Variants in SSH1 observed in about 807,000 individuals in gnomAD.
SSH1 encodes the protein protein phosphatase Slingshot homolog 1.
In SSH1, 43 loss-of-function variants were observed where a neutral mutation model predicts 79.7. The observed-to-expected ratio is 0.54, with a 90% CI of 0.42 to 0.70. The LOEUF (loss-of-function observed/expected upper bound fraction) is 0.70. SSH1 is among the 30% of genes least tolerant of loss of function. The probability of loss-of-function intolerance (pLI) is 0.00; values close to 1 mark genes in which losing one functional copy is unlikely to be tolerated. For synonymous variants in SSH1, 599 were observed against 538.3 expected, an observed-to-expected ratio of 1.11 and a Z score of -1.56; for missense variants, 1,206 against 1,358.8, an observed-to-expected ratio of 0.89 and a Z score of 1.77.
At chr12:108,800,629 T>C (rs1593029695) in intron 12 of SSH1, 151 bp downstream of exon 12, 1 of 868,034 alleles carries the variant, frequency 1.2e-6, no homozygotes, top group East Asian at 2.5e-5. Context: ...CCACATCAAG[T>C]CCACTCCCAC....
At position 108,800,936 on chromosome 12, in the gene SSH1, GA is replaced by G. The variant is rs761492740; in HGVS notation, c.1002-11del. 1.2e-6 allele frequency: 2 copies of G among 1,609,172 alleles called. No individual in the cohort carries two copies. Among genetic ancestry groups the G allele is most frequent in the Non-Finnish European group, 1.7e-6 (2 of 1,177,820 alleles). On this transcript the variant is annotated splice_polypyrimidine_tract_variant and intron_variant, in intron 11 of 14. Coordinates refer to ENST00000326495, the MANE Select transcript of SSH1 (RefSeq NM_018984.4). Reference sequence around the variant, plus strand: ...TAAAATGTAATCAACCCTGCAATGAGAAAAAAATAAGAAACAAATTTGGACA... The same window carrying G: ...TAAAATGTAATCAACCCTGCAATGAGAAAAAATAAGAAACAAATTTGGACA...
chr12:108,812,343 G>A (rs1356049708), intron 5 of SSH1, among the ~76,000 whole-genome samples: 1 of 152,248 alleles, frequency 6.6e-6, no homozygotes, highest in East Asian at 1.9e-4. Flanking sequence ...GCAAGGAAAG[G>A]GTCCCTATGG....
intron 10 of SSH1, among the ~76,000 whole-genome samples, chr12:108,802,715 C>T (rs1263995274): frequency 1.3e-5 from 2 of 152,096 alleles, no homozygotes; most frequent in Non-Finnish European, 1.5e-5. Context: ...CAATGACCTG[C>T]GACCTCCCAC....
chr12:108,840,991 T>C (rs2038763957), intron 2 of SSH1, among the ~76,000 whole-genome samples: 1 of 152,226 alleles, frequency 6.6e-6, no homozygotes. Context: ...CAGCAAATGA[T>C]GAGCAGCACA....
chr12:108,844,499 C>G (rs1232991785), intron 2 of SSH1, among the ~76,000 whole-genome samples: 2 of 152,192 alleles, frequency 1.3e-5, no homozygotes, highest in African/African-American at 4.8e-5. Flanking sequence ...AAACTAGGCA[C>G]ATCTGTAACG....
intron 2 of SSH1, among the ~76,000 whole-genome samples, chr12:108,832,075 TC>T (rs1229493307): frequency 6.6e-6 from 1 of 152,158 alleles, no homozygotes; most frequent in African/African-American, 2.4e-5. Flanking sequence ...ATTTTTACAA[TC>T]CCATTCCCCT....
At position 108,792,321 on chromosome 12, in the gene SSH1, T is replaced by C; in HGVS notation, c.1858A>G (p.Asn620Asp). The C allele has an allele frequency of 6.2e-7, 1 of 1,614,190 alleles. No homozygotes were observed. Among genetic ancestry groups the C allele is most frequent in the Non-Finnish European group, 8.5e-7 (1 of 1,180,012 alleles). Residue 620 changes from asparagine (N) to aspartate (D), a missense_variant, in exon 14 of 15, where the codon AAC becomes GAC. By Grantham distance (23) the Asn-to-Asp change is conservative. Coordinates refer to ENST00000326495, the MANE Select transcript of SSH1 (RefSeq NM_018984.4). ...QNLLNSENLN[N>D]NSKRSCPNGM... ...TTGGGACAGCTCCTCTTGCTGTTGT[T>C]GTTTAGGTTCTCCGAGTTGAGCAGG...
At chr12:108,811,228 A>G (rs1345371607) in intron 6 of SSH1, 32 bp downstream of exon 6, 1 of 1,605,542 alleles carries the variant, frequency 6.2e-7, no homozygotes, top group Admixed American at 1.7e-5. Flanking sequence ...TACTACATAC[A>G]GTGAGAGAAT....
chr12:108,809,850 G>A (rs920919419), intron 6 of SSH1, 92 bp from the exon 7 acceptor site: 42 of 1,065,982 alleles, frequency 3.9e-5, no homozygotes, highest in Admixed American at 1.0e-4. Flanking sequence ...AAACCACTGC[G>A]CACGCTGGGA....
intron 2 of SSH1, among the ~76,000 whole-genome samples, chr12:108,832,847 C>T (rs539650107): frequency 1.3e-5 from 2 of 152,232 alleles, no homozygotes; most frequent in South Asian, 2.1e-4. Context: ...ACCTGTCAAC[C>T]GGAGCTCCCA....
intron 2 of SSH1, among the ~76,000 whole-genome samples, chr12:108,828,297 T>G (rs2038381775): frequency 6.6e-6 from 1 of 152,178 alleles, no homozygotes; most frequent in African/African-American, 2.4e-5. Context: ...ATTACCATGA[T>G]TCTGGTTTTG....
chr12:108,804,469 G>C (rs987021200), intron 10 of SSH1, among the ~76,000 whole-genome samples: 1 of 152,180 alleles, frequency 6.6e-6, no homozygotes, highest in Non-Finnish European at 1.5e-5. Context: ...AAAACAATCT[G>C]AGCTAGCCGT....
At chr12:108,792,089 C>T (rs1488381928) in intron 14 of SSH1, 197 bp downstream of exon 14, 1 of 1,464,900 alleles carries the variant, frequency 6.8e-7, no homozygotes, top group African/African-American at 1.4e-5. Flanking sequence ...ACTACGTACC[C>T]ACCAGCAGAA....
rs564137053 is a variant in SSH1, at chr12:108,807,126, G to A, written c.731+507C>T. The stretch of plus-strand genomic sequence containing the variant: ...GCGAGTGTGGCCTCTCCATGTCAGC[G>A]CTGTCGTAGGTCACACGACACAGGT... On this transcript the variant is annotated intron_variant, in intron 8 of 14. Transcript: ENST00000326495. This position sits in a 1 kb window ranked among gnomAD's most constrained non-coding sequence, Gnocchi z 5.2. Among the ~76,000 whole-genome samples the A allele has an allele frequency of 2.7e-4, 41 of 152,192 alleles. No homozygotes were observed. The highest frequency in any genetic ancestry group is 5.3e-4 in the Non-Finnish European group (36 of 68,040).
intron 2 of SSH1, among the ~76,000 whole-genome samples, chr12:108,824,563 G>T (rs1593096810): frequency 1.3e-5 from 2 of 152,192 alleles, no homozygotes; most frequent in South Asian, 4.1e-4. Flanking sequence ...AAAACCTCAA[G>T]TTGGCCCAAT....
chr12:108,805,577 G>T (rs1281873187), intron 9 of SSH1, among the ~76,000 whole-genome samples: 1 of 151,908 alleles, frequency 6.6e-6, no homozygotes, highest in East Asian at 1.9e-4. Flanking sequence ...TAAAAGACAG[G>T]GCTGGATGGA....
chr12:108,838,241 T>C (rs1371929533), intron 2 of SSH1, among the ~76,000 whole-genome samples: 1 of 152,226 alleles, frequency 6.6e-6, no homozygotes, highest in Non-Finnish European at 1.5e-5. Context: ...ATCTCTTGCA[T>C]AGTTTTACCC....
At position 108,845,158 on chromosome 12, in the gene SSH1, G is replaced by A. The variant is rs189052910; in HGVS notation, c.110+7480C>T. On this transcript the variant is annotated intron_variant, in intron 2 of 14. Transcript: ENST00000326495. ...CAGGAGGCAGAGGCTGCAGTGAGCCGAGATCGCACCACTGCACTCCAGCCT... is the reference window on the plus strand; with the variant it reads ...CAGGAGGCAGAGGCTGCAGTGAGCCAAGATCGCACCACTGCACTCCAGCCT... Among the ~76,000 whole-genome samples the A allele has an allele frequency of 4.3e-3, 628 of 146,866 alleles. 4 individuals carry two copies. Among genetic ancestry groups the A allele is most frequent in the Non-Finnish European group, 6.7e-3 (451 of 67,202 alleles).
chr12:108,796,118 G>GT (rs1160865668), intron 13 of SSH1, among the ~76,000 whole-genome samples: 2 of 152,062 alleles, frequency 1.3e-5, no homozygotes, highest in African/African-American at 4.8e-5. Flanking sequence ...GTTTAACCTT[G>GT]TTGGCCAGAC....
Sources: allele counts gnomAD v4.1 joint callset (sites outside exome capture counted in the v4.1 genomes callset), GRCh38; gene constraint gnomAD v4.1.1; non-coding constraint Gnocchi (gnomAD v3.1); transcripts MANE v1.5; gene names NCBI Gene and HGNC (gene_info 2026-07-23, HGNC 2026-07-21).